Variants in NCAM1 observed in about 807,000 individuals in gnomAD.
NCAM1 encodes the protein neural cell adhesion molecule 1, also known as antigen recognized by monoclonal antibody 5.1H11.
Under a neutral mutation model 109.8 loss-of-function variants are expected in NCAM1, and 14 were observed. The ratio of observed to expected loss-of-function variants is 0.13; its 90% CI spans 0.08 to 0.20. NCAM1 has a LOEUF of 0.20. Ranked by LOEUF, NCAM1 falls within the 10% of genes least tolerant of loss-of-function variation. The pLI is 1.00. For synonymous variants in NCAM1, 418 were observed against 442.9 expected (o/e 0.94, Z 0.70); for missense variants, 774 against 1,109.9 (o/e 0.70, Z 4.30).
chr11:113,183,020 T>G (rs1421935668), intron 1 of NCAM1, among the ~76,000 whole-genome samples: 1 of 152,200 alleles, frequency 6.6e-6, no homozygotes, highest in Non-Finnish European at 1.5e-5. Context: ...GCCCCAGTTG[T>G]TTGACTATAG....
chr11:113,061,486 G>T (rs1024523946), intron 1 of NCAM1, among the ~76,000 whole-genome samples: 29 of 152,264 alleles, frequency 1.9e-4, no homozygotes, highest in African/African-American at 6.7e-4. Context: ...CTCTTAAATA[G>T]TTAAGAGGAG....
At chr11:113,061,732 C>T (rs117264210) in intron 1 of NCAM1, among the ~76,000 whole-genome samples, 2,551 of 152,310 alleles carry the variant, frequency 0.017, 40 homozygotes, top group Admixed American at 0.024. Context: ...TGCTTCTAAT[C>T]GTGCAGCTTG....
chr11:113,042,645 A>G (rs1555080141), intron 1 of NCAM1, among the ~76,000 whole-genome samples: 1 of 152,082 alleles, frequency 6.6e-6, no homozygotes, highest in African/African-American at 2.4e-5. Flanking sequence ...TACCCCAGAC[A>G]CATCCATCAC....
In NCAM1 at chr11:113,265,526, G is replaced by A. The variant is rs528779695; in HGVS notation, c.2132-4662G>A. Among the ~76,000 whole-genome samples, 47 of 152,336 alleles carry A rather than the reference G, an allele frequency of 3.1e-4. No individual in the cohort carries two copies. In the South Asian group the frequency reaches 4.6e-3, roughly 15 times the overall value. On this transcript the variant is annotated intron_variant, in intron 17 of 19. Transcript: ENST00000316851. ...TGTGGCAAGGTCACCTGATGACACAGCAGCCTTTATACTATCCCTAACAGA... is the reference window on the plus strand; with the variant it reads ...TGTGGCAAGGTCACCTGATGACACAACAGCCTTTATACTATCCCTAACAGA...
chr11:113,236,330 A>G, intron 14 of NCAM1: 2 of 1,611,746 alleles, frequency 1.2e-6, no homozygotes, highest in South Asian at 1.1e-5. Flanking sequence ...GTGCCTCTTC[A>G]TACCTCATTA....
At chr11:113,035,484 A>G (rs1591268654) in intron 1 of NCAM1, among the ~76,000 whole-genome samples, 1 of 152,176 alleles carries the variant, frequency 6.6e-6, no homozygotes, top group East Asian at 1.9e-4. Context: ...TATAAAGATG[A>G]CCCCAAGACA....
rs1324153419 is a variant in NCAM1, at chr11:113,064,632, AT to A, written c.52+102974del. ...TGCAGTTCGTATCATTACTGTCCCC[AT>A]TTTTTAGGTCAGCAGACTGTGGCTT... On this transcript the variant is annotated intron_variant, in intron 1 of 19. Coordinates refer to ENST00000316851, the MANE Select transcript of NCAM1 (RefSeq NM_181351.5). Among the ~76,000 whole-genome samples, 5 of 152,194 alleles carry A rather than the reference AT, an allele frequency of 3.3e-5. No individual in the cohort carries two copies. In the South Asian group the frequency reaches 1.0e-3, roughly 32 times the overall value.
In NCAM1 at chr11:113,059,299, A is replaced by G. The variant is rs74926874; in HGVS notation, c.52+97635A>G. ...GCCAAGCCCATGGGACAGTGTTACTATTATCTACTGCTGTGTAACAAACAA... is the reference window on the plus strand; with the variant it reads ...GCCAAGCCCATGGGACAGTGTTACTGTTATCTACTGCTGTGTAACAAACAA... On this transcript the variant is annotated intron_variant, in intron 1 of 19. Coordinates refer to ENST00000316851, the MANE Select transcript of NCAM1 (RefSeq NM_181351.5). 9.8e-3 allele frequency among the ~76,000 whole-genome samples: 1,489 copies of G among 152,292 alleles called. 19 individuals carry two copies. The highest frequency in any genetic ancestry group is 0.033 in the African/African-American group (1,373 of 41,556).
chr11:113,015,991 A>C (rs1396225987), intron 1 of NCAM1, among the ~76,000 whole-genome samples: 1 of 152,102 alleles, frequency 6.6e-6, no homozygotes, highest in African/African-American at 2.4e-5. Context: ...TTTGTAGGAG[A>C]AAAGCGGGAT....
intron 1 of NCAM1, among the ~76,000 whole-genome samples, chr11:113,003,252 G>A (rs1591235265): frequency 1.3e-5 from 2 of 152,344 alleles, no homozygotes; most frequent in East Asian, 3.9e-4. Flanking sequence ...CATGTTCAAA[G>A]GTCTCTCCAT....
chr11:113,117,781 C>A (rs1180178250), intron 1 of NCAM1, among the ~76,000 whole-genome samples: 1 of 152,012 alleles, frequency 6.6e-6, no homozygotes, highest in Non-Finnish European at 1.5e-5. Context: ...AATATGAAGA[C>A]ACTGACCTAT....
In NCAM1 at chr11:112,963,665, G is replaced by T. The variant is rs1950638289; in HGVS notation, c.52+2001G>T. Among the ~76,000 whole-genome samples the T allele has an allele frequency of 6.6e-6, 1 of 152,260 alleles. No homozygotes were observed. The highest frequency in any genetic ancestry group is 2.4e-5 in the African/African-American group (1 of 41,472). On this transcript the variant is annotated intron_variant, in intron 1 of 19. Transcript: ENST00000316851. The surrounding 1 kb of genome is among the most constrained non-coding windows in gnomAD (Gnocchi z 4.6). The stretch of plus-strand genomic sequence containing the variant: ...CTGTCCACATGGGGCGGGGGAAGGG[G>T]GGTGTTTTTGAGACATCCTCGCCCC...
At chr11:113,094,857 A>G (rs1276916945) in intron 1 of NCAM1, among the ~76,000 whole-genome samples, 2 of 152,254 alleles carry the variant, frequency 1.3e-5, no homozygotes, top group African/African-American at 4.8e-5. Context: ...TCACATTGAC[A>G]AGAACGAAAA....
intron 1 of NCAM1, among the ~76,000 whole-genome samples, chr11:112,984,959 T>A (rs1192902920): frequency 1.3e-5 from 2 of 148,184 alleles, no homozygotes; most frequent in African/African-American, 2.5e-5. Context: ...ATTTTTTTTT[T>A]AATCATTGCC....
At chr11:113,010,240 A>C (rs1952012384) in intron 1 of NCAM1, among the ~76,000 whole-genome samples, 1 of 152,198 alleles carries the variant, frequency 6.6e-6, no homozygotes, top group Non-Finnish European at 1.5e-5. Context: ...ATATTTATTA[A>C]AGTAGGATCT....
chr11:113,152,780 A>G (rs1173385440), intron 1 of NCAM1, among the ~76,000 whole-genome samples: 1 of 152,234 alleles, frequency 6.6e-6, no homozygotes, highest in African/African-American at 2.4e-5. Flanking sequence ...AAGCAAGTAC[A>G]CAAATATTTG....
At chr11:113,263,548 T>C in intron 17 of NCAM1, 4 of 985,826 alleles carry the variant, frequency 4.1e-6, no homozygotes, top group Non-Finnish European at 4.8e-6. Context: ...CTGGGGCTGA[T>C]GAACGTTCTG....
At chr11:113,088,779 A>T (rs1555088795) in intron 1 of NCAM1, among the ~76,000 whole-genome samples, 1 of 152,146 alleles carries the variant, frequency 6.6e-6, no homozygotes. Flanking sequence ...CTATATATTA[A>T]TGAGTTACTT....
At chr11:113,177,712 G>A (rs1555107298) in intron 1 of NCAM1, among the ~76,000 whole-genome samples, 1 of 152,128 alleles carries the variant, frequency 6.6e-6, no homozygotes, top group Non-Finnish European at 1.5e-5. Flanking sequence ...GGGATTACAG[G>A]CATGAGGCAC....
Sources: allele counts gnomAD v4.1 joint callset (sites outside exome capture counted in the v4.1 genomes callset), GRCh38; gene constraint gnomAD v4.1.1; non-coding constraint Gnocchi (gnomAD v3.1); transcripts MANE v1.5; gene names NCBI Gene and HGNC (gene_info 2026-07-23, HGNC 2026-07-21).